Variants in ENOX1 observed in about 807,000 individuals in gnomAD.
The protein encoded by ENOX1 is ecto-NOX disulfide-thiol exchanger 1.
Under a neutral mutation model 82.5 loss-of-function variants are expected in ENOX1, and 42 were observed. That is an observed-to-expected ratio of 0.51 (90% CI 0.40 to 0.66). ENOX1 has a LOEUF of 0.66. Ranked by LOEUF, ENOX1 falls within the 30% of genes least tolerant of loss-of-function variation. The pLI, the probability that ENOX1 is intolerant of heterozygous loss-of-function variation, is 0.00. For synonymous variants in ENOX1, 271 were observed against 282.2 expected, an observed-to-expected ratio of 0.96 and a Z score of 0.40; for missense variants, 608 against 811.6, an observed-to-expected ratio of 0.75 and a Z score of 3.05.
intron 5 of ENOX1, among the ~76,000 whole-genome samples, chr13:43,377,697 T>C (rs2051739171): frequency 6.6e-6 from 1 of 152,238 alleles, no homozygotes; most frequent in Admixed American, 6.5e-5. Flanking sequence ...TTTAATTTTA[T>C]CTTCAGTACA....
intron 2 of ENOX1, among the ~76,000 whole-genome samples, chr13:43,550,779 T>C (rs1159598271): frequency 6.6e-6 from 1 of 152,220 alleles, no homozygotes; most frequent in Non-Finnish European, 1.5e-5. Flanking sequence ...CTTCAGGGTA[T>C]GTGGACATAG....
At chr13:43,412,163 C>CAA in intron 4 of ENOX1, 110 bp from the exon 5 acceptor site, 9 of 1,055,520 alleles carry the variant, frequency 8.5e-6, no homozygotes, top group East Asian at 5.8e-5. Flanking sequence ...TCCCAAACTA[C>CAA]AAAAAAAAAA....
intron 1 of ENOX1, among the ~76,000 whole-genome samples, chr13:43,698,258 C>A (rs1278700453): frequency 3.9e-5 from 6 of 152,190 alleles, no homozygotes; most frequent in Non-Finnish European, 7.3e-5. Flanking sequence ...TCAAAAGCCC[C>A]TTTAGTTTTC....
At chr13:43,453,656 C>T (rs2057080727) in intron 3 of ENOX1, among the ~76,000 whole-genome samples, 1 of 152,038 alleles carries the variant, frequency 6.6e-6, no homozygotes. Context: ...TATCCGGGGT[C>T]CCTCAAAGAT....
At chr13:43,582,105 T>A (rs1052913620) in intron 2 of ENOX1, among the ~76,000 whole-genome samples, 4 of 152,126 alleles carry the variant, frequency 2.6e-5, no homozygotes, top group African/African-American at 9.7e-5. Context: ...TAGAAAACAT[T>A]CTTGTATCAT....
intron 1 of ENOX1, among the ~76,000 whole-genome samples, chr13:43,685,249 C>T (rs2086006413): frequency 6.6e-6 from 1 of 152,160 alleles, no homozygotes; most frequent in Admixed American, 6.5e-5. Context: ...TCTCACTTCC[C>T]AGCAATTGCA....
At chr13:43,224,872 G>A (rs1305115610) in intron 15 of ENOX1, among the ~76,000 whole-genome samples, 1 of 152,222 alleles carries the variant, frequency 6.6e-6, no homozygotes, top group Non-Finnish European at 1.5e-5. Context: ...CAGGAATGAA[G>A]TAAAAAGCAT....
chr13:43,469,938 T>C (rs1015194225), intron 3 of ENOX1, among the ~76,000 whole-genome samples: 1 of 151,616 alleles, frequency 6.6e-6, no homozygotes, highest in Non-Finnish European at 1.5e-5. Flanking sequence ...ACAAAACCAA[T>C]GGAACAGAGC....
At chr13:43,422,184 C>G (rs962856691) in intron 3 of ENOX1, among the ~76,000 whole-genome samples, 4 of 151,996 alleles carry the variant, frequency 2.6e-5, no homozygotes, top group African/African-American at 9.7e-5. Flanking sequence ...AACAAGTCAC[C>G]CTCTAAGCTT....
chr13:43,484,308 T>G (rs1463795612), intron 2 of ENOX1, among the ~76,000 whole-genome samples, 156 bp from the exon 3 acceptor site: 1 of 152,166 alleles, frequency 6.6e-6, no homozygotes, highest in African/African-American at 2.4e-5. Flanking sequence ...AATGGCAGAG[T>G]GGGACACTAA....
chr13:43,380,653 T>C (rs1005611322), intron 5 of ENOX1, among the ~76,000 whole-genome samples: 5 of 151,680 alleles, frequency 3.3e-5, no homozygotes, highest in African/African-American at 1.2e-4. Flanking sequence ...ATATGCTACT[T>C]ATAAGAAACT....
At chr13:43,687,753 A>C (rs1392578341) in intron 1 of ENOX1, among the ~76,000 whole-genome samples, 1 of 152,088 alleles carries the variant, frequency 6.6e-6, no homozygotes, top group Non-Finnish European at 1.5e-5. Context: ...AGTCAGTGGG[A>C]GAAAGAGAGA....
chr13:43,663,284 G>T (rs1378298732), intron 2 of ENOX1, among the ~76,000 whole-genome samples: 2 of 152,170 alleles, frequency 1.3e-5, no homozygotes, highest in African/African-American at 4.8e-5. Flanking sequence ...GGACCTTCAA[G>T]ATTTGATTTC....
chr13:43,343,913 T>C (rs1442395059), intron 9 of ENOX1, among the ~76,000 whole-genome samples: 2 of 152,198 alleles, frequency 1.3e-5, no homozygotes, highest in East Asian at 3.9e-4. Context: ...ACCCTGACTA[T>C]TGTTCTAAGA....
At chr13:43,221,732 C>T (rs1197114635) in intron 16 of ENOX1, among the ~76,000 whole-genome samples, 2 of 152,022 alleles carry the variant, frequency 1.3e-5, no homozygotes, top group Admixed American at 6.6e-5. Flanking sequence ...ATGTACATGC[C>T]CGGCATAATT....
intron 2 of ENOX1, among the ~76,000 whole-genome samples, chr13:43,607,534 C>T (rs1319920788): frequency 6.6e-6 from 1 of 152,266 alleles, no homozygotes; most frequent in Admixed American, 6.5e-5. Flanking sequence ...ATAGAAAACC[C>T]TGGCTTGATG....
chr13:43,725,774 T>G (rs2088902034), intron 1 of ENOX1, among the ~76,000 whole-genome samples: 1 of 145,214 alleles, frequency 6.9e-6, no homozygotes, highest in Non-Finnish European at 1.5e-5. Flanking sequence ...GAGACCAACC[T>G]GGGCAACATG....
intron 2 of ENOX1, among the ~76,000 whole-genome samples, chr13:43,561,406 T>C (rs780763499): frequency 2.6e-5 from 4 of 152,068 alleles, no homozygotes; most frequent in Non-Finnish European, 5.9e-5. Flanking sequence ...TCAGTTAACC[T>C]CTCAGAGCCT....
chr13:43,533,676 G>C (rs940505644), intron 2 of ENOX1, among the ~76,000 whole-genome samples: 3 of 152,132 alleles, frequency 2.0e-5, no homozygotes, highest in Non-Finnish European at 4.4e-5. Flanking sequence ...TCTGCCCAGA[G>C]TTTGAAAGCA....
Sources: allele counts gnomAD v4.1 joint callset (sites outside exome capture counted in the v4.1 genomes callset), GRCh38; gene constraint gnomAD v4.1.1; transcripts MANE v1.5; gene names NCBI Gene and HGNC (gene_info 2026-07-23, HGNC 2026-07-21).